Variants in ARID1B observed in about 807,000 individuals in gnomAD.
The protein encoded by ARID1B is AT-rich interaction domain 1B, also known as AT-rich interactive domain-containing protein 1B.
A neutral mutation model predicts 212.3 loss-of-function variants in ARID1B; 30 were observed. That is an observed-to-expected ratio of 0.14 (90% CI 0.11 to 0.19). The LOEUF is 0.19. Ranked by LOEUF, ARID1B falls within the 10% of genes least tolerant of loss-of-function variation. ARID1B has a pLI of 1.00. For synonymous variants in ARID1B, 1,402 were observed against 1,301.7 expected, an observed-to-expected ratio of 1.08 and a Z score of -1.66; for missense variants, 2,891 against 3,204.0, an observed-to-expected ratio of 0.90 and a Z score of 2.36.
At chr6:156,871,616 C>T (rs751379874) in intron 2 of ARID1B, 52 of 1,612,202 alleles carry the variant, frequency 3.2e-5, no homozygotes, top group Non-Finnish European at 4.3e-5. Flanking sequence ...ACTTTTAGGA[C>T]TCTGGAGATG....
intron 1 of ARID1B, among the ~76,000 whole-genome samples, chr6:156,805,442 G>A (rs1358200067): frequency 2.0e-5 from 3 of 152,154 alleles, no homozygotes; most frequent in African/African-American, 2.4e-5. Context: ...AAAGCATATA[G>A]GATGTTGTCC....
At chr6:157,022,764 TG>T (rs1466799096) in intron 4 of ARID1B, 2 of 152,224 alleles carry the variant, frequency 1.3e-5, no homozygotes, top group African/African-American at 4.8e-5. Context: ...TTATAACTTA[TG>T]TGTGTATTTT....
intron 1 of ARID1B, among the ~76,000 whole-genome samples, chr6:156,802,280 A>G (rs1374589944): frequency 6.6e-6 from 1 of 152,244 alleles, no homozygotes; most frequent in Non-Finnish European, 1.5e-5. Context: ...TCACATCATC[A>G]TTAGATGAAG....
At chr6:156,992,555 C>A (rs1468259814) in intron 4 of ARID1B, among the ~76,000 whole-genome samples, 1 of 152,142 alleles carries the variant, frequency 6.6e-6, no homozygotes, top group East Asian at 1.9e-4. Flanking sequence ...AGAAAAGGCA[C>A]CCCGGGAATG....
chr6:157,210,753 AT>A lies in ARID1B; in HGVS notation c.*2866del, dbSNP rs1311677825. On this transcript the variant is annotated 3_prime_UTR_variant, in exon 20 of 20. Transcript: ENST00000636930. The stretch of plus-strand genomic sequence containing the variant: ...AATAAAGGTGCAAAGAAAGTTTAGT[AT>A]TTTGGAATGGTGCTATAAAGTTGAA... 17 of 226,704 alleles carry A rather than the reference AT, an allele frequency of 7.5e-5. No homozygotes were observed. The highest frequency in any genetic ancestry group is 3.6e-4 in the African/African-American group (16 of 44,822). The allele number at this position is 226,704 out of a possible 1,614,324, so 14.0% of individuals were successfully genotyped here. A position where few individuals can be genotyped will look rare whatever the true frequency, so the allele number is the denominator to read the frequency against.
chr6:157,139,919 T>G (rs1789217928), intron 7 of ARID1B, among the ~76,000 whole-genome samples: 1 of 151,762 alleles, frequency 6.6e-6, no homozygotes, highest in Non-Finnish European at 1.5e-5. Context: ...AGGCAGGTTT[T>G]CACCATGTTG....
chr6:156,880,207 A>T (rs947851185), intron 2 of ARID1B, among the ~76,000 whole-genome samples: 1 of 152,198 alleles, frequency 6.6e-6, no homozygotes, highest in Non-Finnish European at 1.5e-5. Context: ...GGTCAAAGGA[A>T]AAGAAGGATG....
At chr6:157,163,511 C>G (rs1393915155) in intron 8 of ARID1B, among the ~76,000 whole-genome samples, 1 of 152,150 alleles carries the variant, frequency 6.6e-6, no homozygotes. Flanking sequence ...CAAGCAAGAG[C>G]AAATAGGATT....
At chr6:157,025,094 T>C (rs532431984) in intron 4 of ARID1B, among the ~76,000 whole-genome samples, 1 of 152,354 alleles carries the variant, frequency 6.6e-6, no homozygotes, top group South Asian at 2.1e-4. Context: ...AAATGATTCC[T>C]TTCTTACTCC....
chr6:157,184,712 A>G (rs1254863495), intron 13 of ARID1B: 1 of 506,414 alleles, frequency 2.0e-6, no homozygotes, highest in East Asian at 3.6e-5. Context: ...ATTCTAAGCC[A>G]TATACGTTTA....
At chr6:156,888,462 G>A (rs896824836) in intron 2 of ARID1B, among the ~76,000 whole-genome samples, 3 of 152,216 alleles carry the variant, frequency 2.0e-5, no homozygotes, top group Non-Finnish European at 4.4e-5. Context: ...GTTAGACTGT[G>A]TTGACTTTTG....
At chr6:156,869,040 T>A (rs1249042088) in intron 2 of ARID1B, among the ~76,000 whole-genome samples, 3 of 152,090 alleles carry the variant, frequency 2.0e-5, no homozygotes, top group African/African-American at 4.8e-5. Flanking sequence ...TAAAAAAAAA[T>A]GAATTTGTTT....
chr6:157,121,262 C>A (rs997676784), intron 6 of ARID1B, among the ~76,000 whole-genome samples: 1 of 152,186 alleles, frequency 6.6e-6, no homozygotes, highest in Non-Finnish European at 1.5e-5. Flanking sequence ...CCATCCCTGG[C>A]GATTTTGGAG....
At chr6:156,833,732 T>C (rs2128059963) in intron 2 of ARID1B, among the ~76,000 whole-genome samples, 1 of 152,332 alleles carries the variant, frequency 6.6e-6, no homozygotes, top group African/African-American at 2.4e-5. Flanking sequence ...AGGTGATTCA[T>C]CTGAACTTAT....
At position 157,207,911 on chromosome 6, in the gene ARID1B, A is replaced by G. The variant is rs1794589896; in HGVS notation, c.*20A>G. On this transcript the variant is annotated 3_prime_UTR_variant, in exon 20 of 20. Coordinates refer to ENST00000636930, the MANE Select transcript of ARID1B (RefSeq NM_001374828.1). This position sits in a 1 kb window ranked among gnomAD's most constrained non-coding sequence, Gnocchi z 8.5. ...TTATGACATAAGTGAGAAGGCAAGC[A>G]TGTGTGAGTGAAGATTAGAGGGTCA... 1 of 1,468,542 alleles carries G rather than the reference A, an allele frequency of 6.8e-7. No individual in the cohort carries two copies. The highest frequency in any genetic ancestry group is 9.0e-7 in the Non-Finnish European group (1 of 1,106,654). The allele number at this position is 1,468,542 out of a possible 1,614,324, so 91.0% of individuals were successfully genotyped here. A position where few individuals can be genotyped will look rare whatever the true frequency, so the allele number is the denominator to read the frequency against.
intron 4 of ARID1B, among the ~76,000 whole-genome samples, chr6:157,060,969 TAC>T (rs1054148796): frequency 4.6e-5 from 7 of 152,106 alleles, no homozygotes; most frequent in Non-Finnish European, 8.8e-5. Context: ...AAAAAAATGT[TAC>T]AGAGTGGAGT....
Position 157,110,650 on chromosome 6 carries a change from A to G in ARID1B, c.2581+89A>G, listed in dbSNP as rs200155361. Reference sequence around the variant, plus strand: ...TTGCTTACCTATGCACCTCCTTATCATTAATTTTTTTAAAGGATATTATGT... The same window carrying G: ...TTGCTTACCTATGCACCTCCTTATCGTTAATTTTTTTAAAGGATATTATGT... On this transcript the variant is annotated intron_variant, in intron 6 of 19. Coordinates refer to ENST00000636930, the MANE Select transcript of ARID1B (RefSeq NM_001374828.1). 185 of 1,221,220 alleles carry G rather than the reference A, an allele frequency of 1.5e-4. 1 individual carries two copies. In the East Asian group the frequency reaches 4.2e-3, roughly 28 times the overall value. 75.6% of individuals were successfully genotyped at this position (1,221,220 alleles called of 1,614,324 possible).
chr6:157,031,184 A>G (rs1583180658), intron 4 of ARID1B, among the ~76,000 whole-genome samples: 1 of 152,194 alleles, frequency 6.6e-6, no homozygotes, highest in East Asian at 1.9e-4. Context: ...TTTGCAACCC[A>G]TATGCTTCTC....
chr6:156,821,562 T>C, intron 1 of ARID1B, among the ~76,000 whole-genome samples: 1 of 152,258 alleles, frequency 6.6e-6, no homozygotes, highest in Non-Finnish European at 1.5e-5. Context: ...TGTACATCAC[T>C]TACGGACCCG....
Sources: allele counts gnomAD v4.1 joint callset (sites outside exome capture counted in the v4.1 genomes callset), GRCh38; gene constraint gnomAD v4.1.1; non-coding constraint Gnocchi (gnomAD v3.1); transcripts MANE v1.5; gene names NCBI Gene and HGNC (gene_info 2026-07-23, HGNC 2026-07-21).